ANK3: variants seen among roughly 807,000 people sequenced by gnomAD.
ANK3 encodes the protein ankyrin-3.
In ANK3, 57 loss-of-function variants were observed where a neutral mutation model predicts 370.9. The observed-to-expected ratio is 0.15, with a 90% CI of 0.12 to 0.19. The LOEUF is 0.19. ANK3 is among the 10% of genes least tolerant of loss of function. ANK3 has a pLI of 1.00. For synonymous variants in ANK3, 1,929 were observed against 1,946.3 expected (o/e 0.99, Z 0.23); for missense variants, 4,439 against 5,302.1 (o/e 0.84, Z 5.06).
At chr10:60,145,081 T>C (rs571803309) in intron 23 of ANK3, among the ~76,000 whole-genome samples, 2 of 152,328 alleles carry the variant, frequency 1.3e-5, no homozygotes, top group East Asian at 3.9e-4. Flanking sequence ...GAGACTTCAG[T>C]CATAAAGTTC....
At chr10:60,730,659 T>A (rs931377290) in intron 1 of ANK3, among the ~76,000 whole-genome samples, 5 of 152,200 alleles carry the variant, frequency 3.3e-5, no homozygotes, top group Non-Finnish European at 7.3e-5. Context: ...TTGTTCCAAG[T>A]ACCTTAACAT....
chr10:60,117,677 G>A (rs2093193458), intron 25 of ANK3, among the ~76,000 whole-genome samples: 1 of 152,116 alleles, frequency 6.6e-6, no homozygotes, highest in Non-Finnish European at 1.5e-5. Flanking sequence ...AATTAGCTGG[G>A]CGTGGTGGCA....
At chr10:60,357,977 A>C (rs373932708) in intron 1 of ANK3, among the ~76,000 whole-genome samples, 1 of 151,918 alleles carries the variant, frequency 6.6e-6, no homozygotes, top group Non-Finnish European at 1.5e-5. Flanking sequence ...CCCTCTCAAA[A>C]ACTCAGCTTT....
intron 7 of ANK3, among the ~76,000 whole-genome samples, chr10:60,255,065 T>A (rs2097716070): frequency 6.6e-6 from 1 of 152,174 alleles, no homozygotes; most frequent in African/African-American, 2.4e-5. Flanking sequence ...TTTTATTACA[T>A]TTTTACTTTA....
At chr10:60,475,713 T>G (rs899546070) in intron 2 of ANK3, among the ~76,000 whole-genome samples, 1 of 152,188 alleles carries the variant, frequency 6.6e-6, no homozygotes, top group Non-Finnish European at 1.5e-5. Context: ...GTGATAATTA[T>G]TCCCACTACC....
intron 7 of ANK3, among the ~76,000 whole-genome samples, chr10:60,250,579 A>G (rs1313211580): frequency 6.6e-6 from 1 of 151,926 alleles, no homozygotes; most frequent in South Asian, 2.1e-4. Flanking sequence ...GTTAGCCAGG[A>G]TGGTCTCGAT....
intron 2 of ANK3, among the ~76,000 whole-genome samples, chr10:60,501,663 C>T (rs973739494): frequency 2.0e-5 from 3 of 149,114 alleles, no homozygotes; most frequent in African/African-American, 7.4e-5. Context: ...CGAGATTGTG[C>T]CACTGCACTG....
chr10:60,125,816 GA>G (rs1314630570), intron 25 of ANK3, among the ~76,000 whole-genome samples: 1 of 152,112 alleles, frequency 6.6e-6, no homozygotes, highest in African/African-American at 2.4e-5. Flanking sequence ...CTTGGATCTT[GA>G]AAATACGAGC....
intron 1 of ANK3, among the ~76,000 whole-genome samples, chr10:60,655,991 G>A (rs146255100): frequency 2.0e-5 from 3 of 152,200 alleles, no homozygotes; most frequent in Non-Finnish European, 2.9e-5. Flanking sequence ...GTATGTAGTC[G>A]ACTATGCCAT....
intron 40 of ANK3, chr10:60,060,337 A>G (rs2080150799): frequency 6.0e-6 from 1 of 167,224 alleles, no homozygotes; most frequent in Admixed American, 6.1e-5. Flanking sequence ...ACCAATATAA[A>G]GTTAGTTGTC....
intron 1 of ANK3, among the ~76,000 whole-genome samples, chr10:60,667,764 T>C (rs992564169): frequency 1.3e-5 from 2 of 151,422 alleles, no homozygotes; most frequent in East Asian, 1.9e-4. Flanking sequence ...TGTATTGACA[T>C]GTAACATGGT....
intron 1 of ANK3, among the ~76,000 whole-genome samples, chr10:60,664,446 G>T (rs2133375193): frequency 6.6e-6 from 1 of 152,288 alleles, no homozygotes. Flanking sequence ...ACTCCAGAAA[G>T]AAACATTTAA....
At chr10:60,538,771 T>C (rs1567129379) in intron 2 of ANK3, among the ~76,000 whole-genome samples, 1 of 151,920 alleles carries the variant, frequency 6.6e-6, no homozygotes, top group Admixed American at 6.6e-5. Flanking sequence ...AATATATATT[T>C]ACTACTGAAT....
At position 60,069,254 on chromosome 10, in the gene ANK3, A is replaced by G; in HGVS notation, c.11627T>C (p.Phe3876Ser). 1.2e-6 allele frequency: 2 copies of G among 1,614,054 alleles called. No individual in the cohort carries two copies. Among genetic ancestry groups the G allele is most frequent in the Non-Finnish European group, 1.7e-6 (2 of 1,179,996 alleles). ...AGTGTTTGACATATGGTTCGGTGGG[A>G]AGGTATCTTTTGGTGAAGTGGCCTT... ...PIKATSPKDT[F>S]PPNHMSNTKA... The change falls in exon 37 of 44, where the codon TTC (phenylalanine) becomes TCC (serine). Residue 3876 changes from phenylalanine (F) to serine (S), a missense_variant. Around this residue, in one of 13 missense-constraint regions of ANK3, gnomAD observed 496 missense variants for 529.3 expected, o/e 0.94. Coordinates refer to ENST00000280772, the MANE Select transcript of ANK3 (RefSeq NM_020987.5).
chr10:60,470,832 T>A (rs892087139), intron 2 of ANK3, among the ~76,000 whole-genome samples: 6 of 152,008 alleles, frequency 3.9e-5, no homozygotes, highest in African/African-American at 1.4e-4. Context: ...TATAAAATAA[T>A]AACGTTTACA....
intron 2 of ANK3, among the ~76,000 whole-genome samples, chr10:60,440,013 T>A (rs907786309): frequency 2.0e-5 from 3 of 152,212 alleles, no homozygotes; most frequent in Non-Finnish European, 4.4e-5. Context: ...CATTTCAATA[T>A]GCCCTTCCCT....
At chr10:60,178,397 C>T (rs2096041500) in intron 18 of ANK3, among the ~76,000 whole-genome samples, 1 of 152,124 alleles carries the variant, frequency 6.6e-6, no homozygotes, top group East Asian at 1.9e-4. Flanking sequence ...GCCTCAGTTT[C>T]CTCATCTGTA....
chr10:60,419,375 T>C (rs1307103391), intron 2 of ANK3, among the ~76,000 whole-genome samples: 2 of 152,120 alleles, frequency 1.3e-5, no homozygotes, highest in Non-Finnish European at 2.9e-5. Context: ...TATAACTGTA[T>C]TAAGCCAAAG....
At chr10:60,697,156 G>A (rs1589043283) in intron 1 of ANK3, among the ~76,000 whole-genome samples, 1 of 151,804 alleles carries the variant, frequency 6.6e-6, no homozygotes, top group Non-Finnish European at 1.5e-5. Context: ...ATTCACAGTT[G>A]CTTCAAAGAG....
Sources: allele counts gnomAD v4.1 joint callset (sites outside exome capture counted in the v4.1 genomes callset), GRCh38; gene constraint gnomAD v4.1.1; regional missense constraint gnomAD v4.1.1; transcripts MANE v1.5; gene names NCBI Gene and HGNC (gene_info 2026-07-23, HGNC 2026-07-21).